KLK8: variants seen among roughly 807,000 people sequenced by gnomAD.
KLK8 encodes the protein kallikrein-8.
In KLK8, 18 loss-of-function variants were observed where a neutral mutation model predicts 26.7. The observed-to-expected ratio is 0.67, with a 90% confidence interval of 0.47 to 1.00. KLK8 has a LOEUF of 1.00. KLK8 is among the 50% of genes least tolerant of loss of function. The pLI, the probability that KLK8 is intolerant of heterozygous loss-of-function variation, is 0.00. For synonymous variants in KLK8, 137 were observed against 127.1 expected, an observed-to-expected ratio of 1.08 and a Z score of -0.52; for missense variants, 301 against 331.7, an observed-to-expected ratio of 0.91 and a Z score of 0.72.
At chr19:50,997,685 C>A in intron 6 of KLK8, 66 bp downstream of exon 5, 45 of 1,578,876 alleles carry the variant, frequency 2.9e-5, no homozygotes, top group Non-Finnish European at 3.6e-5. Flanking sequence ...CCACCCCCAT[C>A]CAAGCCTTGA....
rs368604260 is a variant in KLK8, at chr19:50,996,893, GACACACACAC to G, written c.628-689_628-680del. Among the ~76,000 whole-genome samples the G allele has an allele frequency of 1.3e-3, 108 of 81,300 alleles. 1 individual carries two copies. Among genetic ancestry groups the G allele is most frequent in the Middle Eastern group, 0.014 (2 of 148 alleles). 53.3% of individuals were successfully genotyped at this position (81,300 alleles called of 152,430 possible). ...AGGAGAAAGGATCAAGATTCTTATG[GACACACACAC>G]ACACACACACACACACACACACACA... On this transcript the variant is annotated intron_variant, in intron 6 of 6. Transcript: ENST00000600767.
chr19:50,996,175 G>A lies in KLK8; in HGVS notation c.667C>T (p.Gln223Ter). 1 of 1,614,234 alleles carries A rather than the reference G, an allele frequency of 6.2e-7. No individual in the cohort carries two copies. Among genetic ancestry groups the A allele is most frequent in the Non-Finnish European group, 8.5e-7 (1 of 1,180,044 alleles). The change falls in exon 7 of 7, where the codon CAG becomes TAG. Residue 223 changes from glutamine to a stop codon, truncating the protein, a stop_gained. Coordinates refer to ENST00000600767, the Ensembl canonical transcript of KLK8. LOFTEE classifies it high-confidence loss of function. Reference sequence around the variant, plus strand: ...TCTGAGCCCCAGGATGTGATGCCCTGGAGTGCACCATCACACACCAGGGGG... The same window carrying A: ...TCTGAGCCCCAGGATGTGATGCCCTAGAGTGCACCATCACACACCAGGGGG...
Position 50,999,981 on chromosome 19 carries a change from G to A in KLK8, c.493+15C>T, listed in dbSNP as rs1367364487. On this transcript the variant is annotated intron_variant, in intron 5 of 6. Coordinates refer to ENST00000600767, the Ensembl canonical transcript of KLK8. ...AGCTCCTCCTCTCCCTCCCATTAGT[G>A]GACAAGCCCACTACCTCGGGGACTG... is the stretch of plus-strand genomic sequence containing the variant. 2 of 1,578,094 alleles carry A rather than the reference G, an allele frequency of 1.3e-6. No individual in the cohort carries two copies. Among genetic ancestry groups the A allele is most frequent in the East Asian group, 2.3e-5 (1 of 44,106 alleles).
At chr19:50,996,332 T>G in intron 6 of KLK8, 118 bp from the exon 6 acceptor site, 1 of 1,064,126 alleles carries the variant, frequency 9.4e-7, no homozygotes, top group Non-Finnish European at 1.4e-6. Context: ...CCAATGGGGG[T>G]AAAAGCATTG....
intron 6 of KLK8, among the ~76,000 whole-genome samples, chr19:50,996,426 C>T (rs574140886): frequency 6.6e-6 from 1 of 152,202 alleles, no homozygotes; most frequent in East Asian, 1.9e-4. Context: ...AAAACACTGA[C>T]AGAAGAGGGG....
chr19:50,998,225 C>T (rs569805190), intron 5 of KLK8, among the ~76,000 whole-genome samples: 4 of 152,078 alleles, frequency 2.6e-5, no homozygotes, highest in Non-Finnish European at 5.9e-5. Flanking sequence ...CTCAGACAAC[C>T]GGGTCCTCAA....
At chr19:50,996,427 A>C (rs1235804425) in intron 6 of KLK8, among the ~76,000 whole-genome samples, 1 of 152,186 alleles carries the variant, frequency 6.6e-6, no homozygotes, top group Non-Finnish European at 1.5e-5. Context: ...AAACACTGAC[A>C]GAAGAGGGGA....
intron 6 of KLK8, 51 bp from the exon 6 acceptor site, chr19:50,996,265 C>A (rs1162259243): frequency 6.3e-7 from 1 of 1,585,972 alleles, no homozygotes; most frequent in South Asian, 1.1e-5. Context: ...CCACAACGTC[C>A]CTTTTCCTGC....
intron 5 of KLK8, 88 bp from the exon 5 acceptor site, chr19:50,997,972 T>G: frequency 1.5e-5 from 23 of 1,539,592 alleles, no homozygotes; most frequent in Non-Finnish European, 1.9e-5. Flanking sequence ...CTTTCCAGGA[T>G]GTAATGGGGG....
chr19:51,001,307 C>G (rs2091224303), intron 2 of KLK8, 132 bp from the exon 2 acceptor site: 2 of 705,296 alleles, frequency 2.8e-6, no homozygotes, highest in African/African-American at 1.8e-5. Context: ...AAGGAGGAGG[C>G]TGGGGGACTG....
rs772870818 is a variant in KLK8 at position 50,996,148 on chromosome 19, G to T, written c.694C>A (p.Pro232Thr). ...CCAGGTTTGTCGGACCTCCCACAGG[G>T]GTCTGAGCCCCAGGATGTGATGCCC... Residue 232 changes from proline (P) to threonine (T), a missense_variant, in exon 7 of 7, where the codon CCC becomes ACC. By Grantham distance (38) the Pro-to-Thr change is conservative. Coordinates refer to ENST00000600767, the Ensembl canonical transcript of KLK8. The T allele has an allele frequency of 4.3e-6, 7 of 1,614,086 alleles. No individual in the cohort carries two copies. In the Admixed American group the frequency reaches 1.2e-4, roughly 27 times the overall value.
At chr19:51,000,868 G>A (rs949619805) in intron 3 of KLK8, 2 of 878,096 alleles carry the variant, frequency 2.3e-6, no homozygotes, top group Non-Finnish European at 3.4e-6. Flanking sequence ...CCCAAAGGCT[G>A]TAGCTATTCA....
exon 4 of KLK8, chr19:51,000,521 G>A: frequency 1.2e-6 from 2 of 1,614,082 alleles, no homozygotes; most frequent in Non-Finnish European, 1.7e-6. Flanking sequence ...GCCTGCCAAG[G>A]CTGCGAATGG....
At chr19:51,001,225 C>T in intron 2 of KLK8, 50 bp from the exon 2 acceptor site, 2 of 1,533,782 alleles carry the variant, frequency 1.3e-6, no homozygotes, top group African/African-American at 2.7e-5. Context: ...GGAGCCTGAG[C>T]TCCCAGTTCT....
chr19:50,996,342 G>T, intron 6 of KLK8, 128 bp from the exon 6 acceptor site: 1 of 943,862 alleles, frequency 1.1e-6, no homozygotes. Flanking sequence ...TAAAAGCATT[G>T]TCCCCTGAGA....
chr19:50,998,022 A>C lies in KLK8; in HGVS notation c.494-138T>G, dbSNP rs2091186735. 8 of 1,006,900 alleles carry C rather than the reference A, an allele frequency of 7.9e-6. No individual in the cohort carries two copies. In the South Asian group the frequency reaches 1.2e-4, roughly 15 times the overall value. 62.4% of individuals were successfully genotyped at this position (1,006,900 alleles called of 1,614,324 possible). A position where few individuals can be genotyped will look rare whatever the true frequency, so the allele number is the denominator to read the frequency against. ...ATGGGGGAATTTTCTGACACTGTGCACAGGGGACATCACTTCTCACCACAT... is the reference window on the plus strand; with the variant it reads ...ATGGGGGAATTTTCTGACACTGTGCCCAGGGGACATCACTTCTCACCACAT... On this transcript the variant is annotated intron_variant, in intron 5 of 6. Coordinates refer to ENST00000600767, the Ensembl canonical transcript of KLK8.
intron 2 of KLK8, 37 bp from the exon 2 acceptor site, chr19:51,001,212 G>A (rs767359500): frequency 1.3e-6 from 2 of 1,573,404 alleles, no homozygotes; most frequent in South Asian, 2.3e-5. Context: ...TAAACAGGAA[G>A]GAGGAGCCTG....
chr19:50,998,266 C>T (rs1168205078), intron 5 of KLK8, among the ~76,000 whole-genome samples: 4 of 152,142 alleles, frequency 2.6e-5, no homozygotes, highest in Non-Finnish European at 1.5e-5. Context: ...TTCCAAGTGT[C>T]ACCTCCTCCT....
chr19:51,001,044 G>T (rs1347818794), intron 3 of KLK8, 54 bp downstream of exon 2: 1 of 1,503,514 alleles, frequency 6.7e-7, no homozygotes, highest in Non-Finnish European at 9.1e-7. Flanking sequence ...ACTCCCCAGC[G>T]CCACTGCTGC....
Sources: gnomAD v4.1 joint callset for allele counts (sites outside exome capture counted in the v4.1 genomes callset) on GRCh38, gnomAD v4.1.1 for gene constraint, MANE v1.5 for transcripts, NCBI Gene and HGNC (gene_info 2026-07-23, HGNC 2026-07-21) for gene names.